Variants in PTPRT observed in about 807,000 individuals in gnomAD.
PTPRT encodes protein tyrosine phosphatase receptor type T, also known as receptor-type tyrosine-protein phosphatase T.
Under a neutral mutation model 176.8 loss-of-function variants are expected in PTPRT, and 56 were observed. The observed-to-expected ratio is 0.32, with a 90% CI of 0.26 to 0.40. The LOEUF is 0.40. Ranked by LOEUF, PTPRT falls within the 10% of genes least tolerant of loss-of-function variation. The probability of loss-of-function intolerance (pLI) is 1.00; values close to 1 mark genes in which losing one functional copy is unlikely to be tolerated. For synonymous variants in PTPRT, 783 were observed against 739.0 expected (o/e 1.06, Z -0.96); for missense variants, 1,540 against 1,908.2 (o/e 0.81, Z 3.60).
At chr20:42,587,728 C>T (rs1232845253) in intron 7 of PTPRT, among the ~76,000 whole-genome samples, 3 of 152,124 alleles carry the variant, frequency 2.0e-5, no homozygotes. Context: ...GTACTTGGCA[C>T]AGTAGGCAGA....
chr20:42,593,854 T>A (rs2073622988), intron 7 of PTPRT, among the ~76,000 whole-genome samples: 1 of 152,172 alleles, frequency 6.6e-6, no homozygotes, highest in Non-Finnish European at 1.5e-5. Context: ...ATAGCCCCTT[T>A]GTTAAGTAGG....
intron 1 of PTPRT, among the ~76,000 whole-genome samples, chr20:43,138,665 G>A (rs77426615): frequency 2.0e-5 from 3 of 152,098 alleles, no homozygotes; most frequent in Admixed American, 6.6e-5. Context: ...CACCTGTGAC[G>A]GGGTCACTCG....
chr20:42,053,544 TC>T, the PTPRT span, among the ~76,000 whole-genome samples: 1 of 152,142 alleles, frequency 6.6e-6, no homozygotes, highest in Non-Finnish European at 1.5e-5. Context: ...GTTATTTAGC[TC>T]AGGAGATGCT....
At chr20:42,115,930 C>T (rs1418578505) in intron 21 of PTPRT, 3 of 669,762 alleles carry the variant, frequency 4.5e-6, no homozygotes, top group Non-Finnish European at 8.3e-6. Flanking sequence ...CGCAGTTCCT[C>T]TCTGACCCTG....
chr20:42,069,651 GA>G (rs1372714890), downstream of PTPRT, among the ~76,000 whole-genome samples: 3 of 152,148 alleles, frequency 2.0e-5, no homozygotes, highest in African/African-American at 7.2e-5. Flanking sequence ...TCCCTATGAT[GA>G]AAGATAACCA....
chr20:42,154,375 T>C (rs1989260875), intron 17 of PTPRT, among the ~76,000 whole-genome samples: 1 of 152,110 alleles, frequency 6.6e-6, no homozygotes, highest in Non-Finnish European at 1.5e-5. Context: ...TTATACCCCA[T>C]TCAAAAGCTG....
chr20:42,289,376 A>G (rs2057282676), intron 12 of PTPRT, among the ~76,000 whole-genome samples: 1 of 152,110 alleles, frequency 6.6e-6, no homozygotes, highest in South Asian at 2.1e-4. Flanking sequence ...TTTGTAAACT[A>G]TGCATCTGAC....
At chr20:42,267,194 A>G (rs1047030191) in intron 13 of PTPRT, among the ~76,000 whole-genome samples, 5 of 152,202 alleles carry the variant, frequency 3.3e-5, no homozygotes, top group Admixed American at 3.3e-4. Context: ...ATTACATGAG[A>G]TACTCAACAC....
intron 11 of PTPRT, among the ~76,000 whole-genome samples, chr20:42,320,006 T>C (rs2057777062): frequency 6.6e-6 from 1 of 152,298 alleles, no homozygotes; most frequent in African/African-American, 2.4e-5. Flanking sequence ...CATTTACTCA[T>C]ACATTTTCTC....
the PTPRT span, among the ~76,000 whole-genome samples, chr20:42,046,919 G>C: frequency 4.6e-5 from 7 of 152,062 alleles, no homozygotes; most frequent in East Asian, 1.4e-3. Flanking sequence ...ATGTCTTTGG[G>C]GGCTGCCATG....
intron 1 of PTPRT, among the ~76,000 whole-genome samples, chr20:43,179,086 A>C (rs547305129): frequency 6.6e-6 from 1 of 152,320 alleles, no homozygotes; most frequent in African/African-American, 2.4e-5. Context: ...GCACATCTCC[A>C]CCAGAAGTCC....
chr20:42,559,097 T>C (rs916902648), intron 7 of PTPRT, among the ~76,000 whole-genome samples: 1 of 152,206 alleles, frequency 6.6e-6, no homozygotes, highest in Non-Finnish European at 1.5e-5. Context: ...TTAGTGCTTA[T>C]TATGAACTAT....
At chr20:42,213,992 CA>C (rs1351939246) in intron 15 of PTPRT, among the ~76,000 whole-genome samples, 2 of 152,088 alleles carry the variant, frequency 1.3e-5, no homozygotes, top group Non-Finnish European at 2.9e-5. Context: ...GAATACCAGC[CA>C]CTATTCAAGG....
intron 7 of PTPRT, among the ~76,000 whole-genome samples, chr20:42,575,414 T>G (rs148045249): frequency 1.3e-5 from 2 of 152,324 alleles, no homozygotes; most frequent in African/African-American, 4.8e-5. Context: ...AATGGCAGGC[T>G]GAGGCATGGC....
At chr20:42,198,214 G>T (rs1409323716) in intron 16 of PTPRT, among the ~76,000 whole-genome samples, 1 of 152,208 alleles carries the variant, frequency 6.6e-6, no homozygotes, top group African/African-American at 2.4e-5. Flanking sequence ...ACTTAGCATT[G>T]CATAGCTTAC....
At chr20:42,132,205 C>T (rs545857955) in intron 18 of PTPRT, among the ~76,000 whole-genome samples, 5 of 152,298 alleles carry the variant, frequency 3.3e-5, no homozygotes, top group African/African-American at 7.2e-5. Flanking sequence ...TAATATAAGA[C>T]GTGAGATATG....
chr20:42,084,841 T>C lies in PTPRT; in HGVS notation c.3977A>G (p.Gln1326Arg), dbSNP rs761491647. Residue 1326 changes from glutamine to arginine, a missense_variant, in exon 29 of 31, where the codon CAG (glutamine) becomes CGG (arginine). Transcript: ENST00000373187. ...IFRICNMARP[Q>R]DGYRIVQHLQ... ...GTGCTGGACTATACGATAACCATCC[T>C]GTGGCTGAGAACAGAGAGGCTGTTA... 1 of 1,430,262 alleles carries C rather than the reference T, an allele frequency of 7.0e-7. No individual in the cohort carries two copies. The highest frequency in any genetic ancestry group is 1.8e-5 in the South Asian group (1 of 55,586). 88.6% of individuals were successfully genotyped at this position (1,430,262 alleles called of 1,614,324 possible).
At chr20:42,975,159 T>C (rs951236438) in intron 1 of PTPRT, among the ~76,000 whole-genome samples, 2 of 152,226 alleles carry the variant, frequency 1.3e-5, no homozygotes, top group African/African-American at 4.8e-5. Context: ...AATGTTGTTT[T>C]CCATTGCTTT....
chr20:43,145,321 T>C (rs1229079852), intron 1 of PTPRT, among the ~76,000 whole-genome samples: 12 of 152,222 alleles, frequency 7.9e-5, no homozygotes, highest in Admixed American at 7.9e-4. Flanking sequence ...GTGTAATCCT[T>C]TCATCTACTC....
Sources: allele counts gnomAD v4.1 joint callset (sites outside exome capture counted in the v4.1 genomes callset), GRCh38; gene constraint gnomAD v4.1.1; transcripts MANE v1.5; gene names NCBI Gene and HGNC (gene_info 2026-07-23, HGNC 2026-07-21).